The following SMYD3 variants were observed in gnomAD, a reference collection of about 807,000 sequenced individuals.
SMYD3 encodes histone-lysine N-methyltransferase SMYD3.
In SMYD3, 36 loss-of-function variants were observed where a neutral mutation model predicts 57.7. The observed-to-expected ratio is 0.62, with a 90% CI of 0.48 to 0.82. SMYD3 has a LOEUF of 0.82. Among genes scored for constraint, SMYD3 ranks in the 40% least tolerant of loss-of-function variants. The probability of loss-of-function intolerance (pLI) is 0.00; values close to 1 mark genes in which losing one functional copy is unlikely to be tolerated. For synonymous variants in SMYD3, 211 were observed against 195.0 expected (o/e 1.08, Z -0.68); for missense variants, 515 against 538.8 (o/e 0.96, Z 0.44).
chr1:246,268,033 T>A (rs990499776), intron 5 of SMYD3, among the ~76,000 whole-genome samples: 1 of 152,202 alleles, frequency 6.6e-6, no homozygotes, highest in African/African-American at 2.4e-5. Context: ...GTATCACTTA[T>A]CAATTGGGAA....
At chr1:245,978,856 C>T (rs1260878624) in intron 5 of SMYD3, among the ~76,000 whole-genome samples, 1 of 152,198 alleles carries the variant, frequency 6.6e-6, no homozygotes, top group African/African-American at 2.4e-5. Context: ...GGGCTCAATA[C>T]TGAGAAGTCC....
At chr1:245,949,954 A>G (rs1051296120) in intron 5 of SMYD3, among the ~76,000 whole-genome samples, 2 of 152,124 alleles carry the variant, frequency 1.3e-5, no homozygotes, top group African/African-American at 4.8e-5. Flanking sequence ...AAAAACTGGA[A>G]GGAGCACAAG....
At chr1:246,011,847 C>T (rs191931840) in intron 5 of SMYD3, among the ~76,000 whole-genome samples, 9 of 152,228 alleles carry the variant, frequency 5.9e-5, no homozygotes, top group African/African-American at 2.2e-4. Flanking sequence ...GCTCTTAGTA[C>T]CCTCAATAGC....
chr1:246,257,256 G>A (rs995616236), intron 5 of SMYD3, among the ~76,000 whole-genome samples: 1 of 152,156 alleles, frequency 6.6e-6, no homozygotes, highest in African/African-American at 2.4e-5. Flanking sequence ...ACAGTGGGGT[G>A]TTGAATTTCC....
intron 10 of SMYD3, among the ~76,000 whole-genome samples, chr1:245,812,465 T>C (rs766454661): frequency 2.0e-5 from 3 of 152,146 alleles, no homozygotes; most frequent in African/African-American, 7.2e-5. Context: ...ACATTGGTCC[T>C]GTGCTCTACG....
chr1:246,325,296 GT>G (rs1454998310), intron 5 of SMYD3, among the ~76,000 whole-genome samples: 3 of 75,116 alleles, frequency 4.0e-5, no homozygotes, highest in Admixed American at 1.5e-4. Context: ...GGGAGAAGGA[GT>G]TGGGGGGGCG....
chr1:245,961,196 T>A (rs1033154835), intron 5 of SMYD3, among the ~76,000 whole-genome samples: 6 of 152,206 alleles, frequency 3.9e-5, no homozygotes, highest in Admixed American at 1.3e-4. Context: ...TCTGTACCCA[T>A]CAGCAGAGCC....
chr1:245,921,835 C>T (rs144459608), intron 7 of SMYD3, among the ~76,000 whole-genome samples: 63 of 152,178 alleles, frequency 4.1e-4, no homozygotes, highest in African/African-American at 1.4e-3. Context: ...GACACTGGCA[C>T]TACTAGAGAG....
chr1:246,377,058 C>T (rs2066290998), intron 1 of SMYD3, among the ~76,000 whole-genome samples: 1 of 152,064 alleles, frequency 6.6e-6, no homozygotes, highest in South Asian at 2.1e-4. Context: ...CGAGATCACA[C>T]CATTGTACTC....
In SMYD3 at chr1:246,320,342, G is replaced by A. The variant is rs574078801; in HGVS notation, c.531+6859C>T. On this transcript the variant is annotated intron_variant, in intron 5 of 11. Transcript: ENST00000490107. ...AAAGCAAGCTCCGGAGGTCACATAC[G>A]TGCCCTAAAGAACAAAAATAACATG... Among the ~76,000 whole-genome samples the A allele has an allele frequency of 1.7e-4, 26 of 152,100 alleles. No individual in the cohort carries two copies. The South Asian group carries it at 3.3e-3, about 19-fold the overall frequency.
chr1:245,759,491 C>G (rs1446826375), intron 11 of SMYD3, among the ~76,000 whole-genome samples: 1 of 152,086 alleles, frequency 6.6e-6, no homozygotes, highest in Non-Finnish European at 1.5e-5. Context: ...AGTCAGTGGC[C>G]CTCATCAGAT....
chr1:246,254,705 C>G (rs1052178820), intron 5 of SMYD3, among the ~76,000 whole-genome samples: 3 of 152,180 alleles, frequency 2.0e-5, no homozygotes, highest in Non-Finnish European at 4.4e-5. Flanking sequence ...AGTGTTGAAT[C>G]TGTAGACTGC....
chr1:246,112,337 A>C (rs1014171579), intron 5 of SMYD3, among the ~76,000 whole-genome samples: 1 of 152,236 alleles, frequency 6.6e-6, no homozygotes, highest in African/African-American at 2.4e-5. Flanking sequence ...AGTTAATGAA[A>C]AAAATCAGTA....
At chr1:245,943,398 T>C (rs570472806) in intron 5 of SMYD3, among the ~76,000 whole-genome samples, 2 of 152,098 alleles carry the variant, frequency 1.3e-5, no homozygotes, top group East Asian at 3.9e-4. Context: ...AATAAATGGA[T>C]AAATTCCTGG....
intron 1 of SMYD3, among the ~76,000 whole-genome samples, chr1:246,487,728 C>T (rs2068209755): frequency 6.8e-6 from 1 of 147,096 alleles, no homozygotes; most frequent in African/African-American, 2.5e-5. Context: ...GAGTTTCACT[C>T]TTGTTGCCCA....
chr1:245,909,873 A>C (rs781004402), intron 8 of SMYD3, among the ~76,000 whole-genome samples: 4 of 152,116 alleles, frequency 2.6e-5, no homozygotes, highest in African/African-American at 4.8e-5. Context: ...AATTGGGAAA[A>C]ACTGAAAGCC....
intron 1 of SMYD3, among the ~76,000 whole-genome samples, chr1:246,399,990 G>T (rs1273611610): frequency 6.6e-6 from 1 of 151,888 alleles, no homozygotes; most frequent in Non-Finnish European, 1.5e-5. Flanking sequence ...AGACCACTAA[G>T]ATTACATTAA....
chr1:246,075,487 C>G (rs1477322823), intron 5 of SMYD3, among the ~76,000 whole-genome samples: 1 of 152,090 alleles, frequency 6.6e-6, no homozygotes, highest in Non-Finnish European at 1.5e-5. Context: ...AGCTGCCAAT[C>G]TAGAATCCTC....
chr1:245,806,838 A>T (rs2048185374), intron 10 of SMYD3, among the ~76,000 whole-genome samples: 2 of 131,544 alleles, frequency 1.5e-5, no homozygotes, highest in Non-Finnish European at 3.1e-5. Flanking sequence ...TGAACCCGGG[A>T]GGCGGAGCTT....
Sources: gnomAD v4.1 joint callset for allele counts (sites outside exome capture counted in the v4.1 genomes callset) on GRCh38, gnomAD v4.1.1 for gene constraint, MANE v1.5 for transcripts, NCBI Gene and HGNC (gene_info 2026-07-23, HGNC 2026-07-21) for gene names.